The following TRPM3 variants were observed in gnomAD, a reference collection of about 807,000 sequenced individuals.
TRPM3 encodes the protein long transient receptor potential channel 3.
In TRPM3, 77 loss-of-function variants were observed where a neutral mutation model predicts 181.2. The ratio of observed to expected loss-of-function variants is 0.42; its 90% CI spans 0.35 to 0.51. TRPM3 has a LOEUF of 0.51. TRPM3 is among the 20% of genes least tolerant of loss of function. The probability of loss-of-function intolerance (pLI) is 0.01; values close to 1 mark genes in which losing one functional copy is unlikely to be tolerated. For missense variants in TRPM3, 1,759 were observed against 2,196.7 expected (o/e 0.80, Z 3.98); for synonymous variants, 745 against 796.4 (o/e 0.94, Z 1.09).
At chr9:70,631,380 T>TA (rs1491197355) in intron 12 of TRPM3, among the ~76,000 whole-genome samples, 2 of 124,030 alleles carry the variant, frequency 1.6e-5, no homozygotes, top group African/African-American at 6.6e-5. Context: ...TTTTTTTTTT[T>TA]ATTCTGAAAA....
rs576873428 is a variant in TRPM3, at chr9:70,892,977, C to G, written c.178-28466G>C. 2.0e-5 allele frequency among the ~76,000 whole-genome samples: 3 copies of G among 152,218 alleles called. No homozygotes were observed. The East Asian group carries it at 5.8e-4, about 29-fold the overall frequency. On this transcript the variant is annotated intron_variant, in intron 1 of 25. Transcript: ENST00000677713. ...AGAAAATACCATCTACTCTACTTTA[C>G]AAGGTTGTTAATATGCTGCAACATG...
intron 1 of TRPM3, among the ~76,000 whole-genome samples, chr9:71,062,847 T>C (rs1414855273): frequency 2.0e-5 from 3 of 152,024 alleles, no homozygotes; most frequent in African/African-American, 7.2e-5. Context: ...CTACCACAGA[T>C]AATACAGCAA....
chr9:70,537,187 C>T lies in TRPM3; in HGVS notation c.3926G>A (p.Arg1309His), dbSNP rs371113122. 6.9e-6 allele frequency: 11 copies of T among 1,592,270 alleles called. No individual in the cohort carries two copies. Among genetic ancestry groups the T allele is most frequent in the East Asian group, 2.3e-5 (1 of 44,368 alleles). The part of the protein sequence containing the change: ...SDCTDAAYIV[R>H]QSSFNSQEGN... ...TTCCTGGCTGTTGAAGCTGCTCTGA[C>T]GGACAATGTAGGCGGCGTCCGTGCA... Residue 1309 changes from arginine to histidine, a missense_variant, in exon 26 of 26, where the codon CGT becomes CAT. Transcript: ENST00000677713.
At chr9:71,224,756 G>A (rs1211719663) in intron 1 of TRPM3, among the ~76,000 whole-genome samples, 1 of 151,666 alleles carries the variant, frequency 6.6e-6, no homozygotes, top group Non-Finnish European at 1.5e-5. Flanking sequence ...AATGCAACTG[G>A]AGACAGAGCA....
At chr9:71,248,006 G>A (rs2082134052) in intron 1 of TRPM3, among the ~76,000 whole-genome samples, 1 of 152,170 alleles carries the variant, frequency 6.6e-6, no homozygotes, top group Non-Finnish European at 1.5e-5. Flanking sequence ...CTGATAGACT[G>A]TCCTTCTCAG....
intron 1 of TRPM3, among the ~76,000 whole-genome samples, chr9:71,055,920 T>C (rs941590335): frequency 3.9e-5 from 6 of 152,026 alleles, no homozygotes; most frequent in African/African-American, 1.4e-4. Flanking sequence ...TCCCATATAG[T>C]CTGTATACAA....
intron 1 of TRPM3, among the ~76,000 whole-genome samples, chr9:71,377,419 C>T (rs2092692372): frequency 6.6e-6 from 1 of 151,942 alleles, no homozygotes; most frequent in Non-Finnish European, 1.5e-5. Context: ...CAAGTTTACA[C>T]TTAATGTAAA....
At chr9:71,265,374 G>A (rs762084646) in intron 1 of TRPM3, among the ~76,000 whole-genome samples, 2 of 152,174 alleles carry the variant, frequency 1.3e-5, no homozygotes, top group African/African-American at 2.4e-5. Context: ...GTATTTGCAA[G>A]AGGAAATCAT....
At chr9:71,337,178 G>C (rs1485719299) in intron 1 of TRPM3, among the ~76,000 whole-genome samples, 1 of 151,094 alleles carries the variant, frequency 6.6e-6, no homozygotes, top group Non-Finnish European at 1.5e-5. Flanking sequence ...CCTACAGAAT[G>C]GAAGCCCATC....
intron 1 of TRPM3, among the ~76,000 whole-genome samples, chr9:71,327,595 T>C (rs2089789130): frequency 6.6e-6 from 1 of 152,134 alleles, no homozygotes; most frequent in Non-Finnish European, 1.5e-5. Context: ...CCTAAAAAAG[T>C]ATACAGTGAA....
intron 1 of TRPM3, among the ~76,000 whole-genome samples, chr9:71,113,776 A>T (rs2071680813): frequency 6.6e-6 from 1 of 152,324 alleles, no homozygotes; most frequent in South Asian, 2.1e-4. Context: ...TTAACAATAA[A>T]AATGAGATAC....
chr9:70,662,881 T>C (rs1398195713), intron 9 of TRPM3, among the ~76,000 whole-genome samples: 1 of 152,094 alleles, frequency 6.6e-6, no homozygotes, highest in Non-Finnish European at 1.5e-5. Flanking sequence ...CCAGCAATCC[T>C]GCTACTGGGT....
chr9:70,851,204 C>A (rs1057068281), intron 3 of TRPM3, among the ~76,000 whole-genome samples: 1 of 152,078 alleles, frequency 6.6e-6, no homozygotes, highest in Non-Finnish European at 1.5e-5. Context: ...ACAAAATAAC[C>A]AGAATACAAG....
chr9:71,382,688 CTT>C (rs11449039), intron 1 of TRPM3, among the ~76,000 whole-genome samples: 1 of 146,594 alleles, frequency 6.8e-6, no homozygotes, highest in Non-Finnish European at 1.5e-5. Context: ...TCTGTATAGT[CTT>C]TTTTTTTTTT....
At chr9:71,413,462 T>A (rs1325360028) in intron 1 of TRPM3, among the ~76,000 whole-genome samples, 1 of 152,076 alleles carries the variant, frequency 6.6e-6, no homozygotes, top group Non-Finnish European at 1.5e-5. Context: ...GGCAATAGGA[T>A]TTGTACACAG....
rs541274434 is a variant in TRPM3, at chr9:70,554,166, G to A, written c.3224-856C>T. Reference sequence around the variant, plus strand: ...CTAATGAGGCCTGCTTGGAATTTCCGGGTAAATGCAAGAAAGAAAAAAATC... The same window carrying A: ...CTAATGAGGCCTGCTTGGAATTTCCAGGTAAATGCAAGAAAGAAAAAAATC... On this transcript the variant is annotated intron_variant, in intron 22 of 25. Coordinates refer to ENST00000677713, the MANE Select transcript of TRPM3 (RefSeq NM_001366145.2). 8.5e-5 allele frequency among the ~76,000 whole-genome samples: 13 copies of A among 152,230 alleles called. No individual in the cohort carries two copies. In the East Asian group the frequency reaches 1.9e-3, roughly 23 times the overall value.
chr9:71,152,682 G>A (rs1487482868), intron 1 of TRPM3, among the ~76,000 whole-genome samples: 10 of 152,124 alleles, frequency 6.6e-5, no homozygotes, highest in African/African-American at 2.2e-4. Flanking sequence ...TGAGGCCAAG[G>A]TTGTCCAAGG....
intron 6 of TRPM3, among the ~76,000 whole-genome samples, chr9:70,805,186 C>G (rs1344166871): frequency 7.9e-6 from 1 of 126,892 alleles, no homozygotes; most frequent in Non-Finnish European, 1.5e-5. Flanking sequence ...AGAAGAGAGG[C>G]AGAGGAAGGA....
chr9:70,757,865 C>A (rs1450509379), intron 8 of TRPM3, among the ~76,000 whole-genome samples: 2 of 152,298 alleles, frequency 1.3e-5, no homozygotes, highest in South Asian at 2.1e-4. Context: ...AAACCCACAG[C>A]CAATATCATA....
Sources: gnomAD v4.1 joint callset for allele counts (sites outside exome capture counted in the v4.1 genomes callset) on GRCh38, gnomAD v4.1.1 for gene constraint, MANE v1.5 for transcripts, NCBI Gene and HGNC (gene_info 2026-07-23, HGNC 2026-07-21) for gene names.